The following NCAPH2 variants were observed in gnomAD, a reference collection of about 807,000 sequenced individuals.
NCAPH2 encodes the protein non-SMC condensin II complex subunit H2.
A neutral mutation model predicts 88.6 loss-of-function variants in NCAPH2; 56 were observed. The observed-to-expected ratio is 0.63, with a 90% CI of 0.51 to 0.79. The LOEUF is 0.79. NCAPH2 is among the 30% of genes least tolerant of loss of function. NCAPH2 has a pLI of 0.00. For synonymous variants in NCAPH2, 378 were observed against 313.6 expected (o/e 1.21, Z -2.17); for missense variants, 794 against 792.0 (o/e 1.00, Z -0.03).
intron 2 of NCAPH2, 82 bp from the exon 3 acceptor site, chr22:50,517,344 TG>T: frequency 6.9e-7 from 1 of 1,453,374 alleles, no homozygotes; most frequent in South Asian, 1.1e-5. Flanking sequence ...CCAGGCCTCG[TG>T]GGGGCACCGA....
chr22:50,522,501 A>G lies in NCAPH2; in HGVS notation c.1307A>G (p.Asp436Gly), dbSNP rs1210291540. 5 of 1,613,354 alleles carry G rather than the reference A, an allele frequency of 3.1e-6. No homozygotes were observed. The highest frequency in any genetic ancestry group is 1.1e-5 in the South Asian group (1 of 91,074). Residue 436 changes from aspartate (D) to glycine (G), a missense_variant and splice_region_variant, in exon 16 of 20, where the codon GAT (aspartate) becomes GGT (glycine). Asp to Gly is a moderately conservative substitution (Grantham distance 94). Coordinates refer to ENST00000420993, the MANE Select transcript of NCAPH2 (RefSeq NM_152299.4). ...EDSLEDLGAA[D>G]DFLEPEEYME... Reference sequence around the variant, plus strand: ...TGTTCACTCTCCCACCTCCCAGCAGATGACTTTCTAGAGCCTGAGGAGTAC... The same window carrying G: ...TGTTCACTCTCCCACCTCCCAGCAGGTGACTTTCTAGAGCCTGAGGAGTAC...
chr22:50,520,993 TGCGGGA>T lies in NCAPH2; in HGVS notation c.898_903del (p.Arg300_Glu301del). The T allele has an allele frequency of 1.3e-6, 2 of 1,551,098 alleles. No homozygotes were observed. Among genetic ancestry groups the T allele is most frequent in the Non-Finnish European group, 1.7e-6 (2 of 1,146,940 alleles). ...GCTGCCCTGCCCAGGAGGTACATGCTGCGGGAGCGGGAGGGGGCCCCAGAGCCTGCA... is the reference window on the plus strand; with the variant it reads ...GCTGCCCTGCCCAGGAGGTACATGCTGCGGGAGGGGGCCCCAGAGCCTGCA... On this transcript the variant is annotated inframe_deletion, in exon 10 of 20. Transcript: ENST00000420993.
rs545425657 is a variant in NCAPH2, at chr22:50,522,696, C to T, written c.1401C>T (p.Tyr467=). The stretch of plus-strand genomic sequence containing the variant: ...ACGCAGTGCCGATGTCCCTGAGCTA[C>T]GAGGAGCTGGTTCGAAGGAATGTGG... ...DLDAVPMSLS[Y]EELVRRNVEL... Residue 467 remains tyrosine, a synonymous_variant, in exon 17 of 20, where the codon TAC becomes TAT. Transcript: ENST00000420993. The T allele has an allele frequency of 4.6e-5, 74 of 1,613,494 alleles. No homozygotes were observed. The highest frequency in any genetic ancestry group is 2.9e-4 in the South Asian group (26 of 91,068).
chr22:50,510,742 T>C (rs2068759808), intron 1 of NCAPH2, among the ~76,000 whole-genome samples: 1 of 152,064 alleles, frequency 6.6e-6, no homozygotes, highest in Non-Finnish European at 1.5e-5. Context: ...CTGAGTCCTT[T>C]TCATTCTTAA....
intron 12 of NCAPH2, 41 bp from the exon 13 acceptor site, chr22:50,521,945 C>T (rs1406119789): frequency 2.5e-6 from 4 of 1,613,710 alleles, no homozygotes; most frequent in Non-Finnish European, 3.4e-6. Flanking sequence ...ATGCTGTGGG[C>T]AGCTCTTGGC....
At position 50,521,616 on chromosome 22, in the gene NCAPH2, G is replaced by A. The variant is rs1189652250; in HGVS notation, c.1000+7G>A. 19 of 1,613,668 alleles carry A rather than the reference G, an allele frequency of 1.2e-5. No homozygotes were observed. Among genetic ancestry groups the A allele is most frequent in the Non-Finnish European group, 1.6e-5 (19 of 1,179,974 alleles). On this transcript the variant is annotated splice_region_variant and intron_variant, in intron 11 of 19. Coordinates refer to ENST00000420993, the MANE Select transcript of NCAPH2 (RefSeq NM_152299.4). ...TCTAAGCCCTTCAAGAAAGGTAATT[G>A]GGTGGAAGGTACCTCCACTCAGGTA... is the stretch of plus-strand genomic sequence containing the variant.
intron 1 of NCAPH2, among the ~76,000 whole-genome samples, chr22:50,509,325 G>A (rs1187082089): frequency 1.3e-5 from 2 of 151,740 alleles, no homozygotes; most frequent in African/African-American, 4.8e-5. Flanking sequence ...CTGCTCTCTT[G>A]ACATCTAGTG....
chr22:50,508,878 A>G (rs891380022), intron 1 of NCAPH2, among the ~76,000 whole-genome samples: 9 of 152,162 alleles, frequency 5.9e-5, no homozygotes, highest in Non-Finnish European at 8.8e-5. Context: ...CCTGTTAGCG[A>G]TTAGTGTTTC....
Position 50,523,827 on chromosome 22 carries a change from G to C in NCAPH2, c.*452G>C, listed in dbSNP as rs2069197551. 1 of 1,614,088 alleles carries C rather than the reference G, an allele frequency of 6.2e-7. No homozygotes were observed. The highest frequency in any genetic ancestry group is 8.5e-7 in the Non-Finnish European group (1 of 1,180,034). On this transcript the variant is annotated 3_prime_UTR_variant, in exon 20 of 20. Transcript: ENST00000420993. ...TGTGACTAGCCTGGGCAACCTGTTT[G>C]GTGGAGCCGGTCAGACCCAACAGTC...
At chr22:50,509,480 C>G (rs2068726934) in intron 1 of NCAPH2, among the ~76,000 whole-genome samples, 1 of 152,228 alleles carries the variant, frequency 6.6e-6, no homozygotes, top group African/African-American at 2.4e-5. Flanking sequence ...AAGCCCCATG[C>G]TTAACACTCA....
chr22:50,519,836 G>A (rs2069036299), intron 9 of NCAPH2: 1 of 880,674 alleles, frequency 1.1e-6, no homozygotes, highest in South Asian at 5.2e-5. Flanking sequence ...ATTTTTCCTA[G>A]TTTTGAAGAA....
At chr22:50,517,013 A>C (rs921996189) in intron 2 of NCAPH2, among the ~76,000 whole-genome samples, 7 of 152,218 alleles carry the variant, frequency 4.6e-5, no homozygotes, top group African/African-American at 1.4e-4. Flanking sequence ...CCAGGACAGG[A>C]GGAGGGGCTG....
At chr22:50,509,313 A>G (rs966854936) in intron 1 of NCAPH2, among the ~76,000 whole-genome samples, 8 of 152,212 alleles carry the variant, frequency 5.3e-5, no homozygotes, top group African/African-American at 1.9e-4. Context: ...TTACATATCC[A>G]GCTGCTCTCT....
In NCAPH2 at chr22:50,517,440, A is replaced by G. The variant is rs1378009232; in HGVS notation, c.224A>G (p.Tyr75Cys). The change falls in exon 3 of 20, where the codon TAC (tyrosine) becomes TGC (cysteine). Residue 75 changes from tyrosine (Y) to cysteine (C), a missense_variant. Transcript: ENST00000420993. ...TCTGGTCACCAGGTGGAATACCTCTACTCACTCGTCTACCAGGCCCTTGAT... is the reference window on the plus strand; with the variant it reads ...TCTGGTCACCAGGTGGAATACCTCTGCTCACTCGTCTACCAGGCCCTTGAT... ...CVYSKKVEYL[Y>C]SLVYQALDFI... is the part of the protein sequence containing the mutation. 1 of 1,613,584 alleles carries G rather than the reference A, an allele frequency of 6.2e-7. No homozygotes were observed. Among genetic ancestry groups the G allele is most frequent in the Non-Finnish European group, 8.5e-7 (1 of 1,179,952 alleles).
chr22:50,515,925 A>T (rs543475667), intron 1 of NCAPH2, among the ~76,000 whole-genome samples: 19 of 152,072 alleles, frequency 1.2e-4, no homozygotes, highest in African/African-American at 4.3e-4. Context: ...GGATGAAGGA[A>T]TGTGCATGGC....
At position 50,523,745 on chromosome 22, in the gene NCAPH2, C is replaced by G; in HGVS notation, c.*370C>G. The G allele has an allele frequency of 6.2e-7, 1 of 1,614,166 alleles. No individual in the cohort carries two copies. The highest frequency in any genetic ancestry group is 8.5e-7 in the Non-Finnish European group (1 of 1,180,026). ...AGCAGGTAGATGGCAATGGAGTGGT[C>G]CACGATGTAGTCCTGGTCCTCATCC... is the stretch of plus-strand genomic sequence containing the variant. On this transcript the variant is annotated 3_prime_UTR_variant, in exon 20 of 20. Transcript: ENST00000420993.
At chr22:50,518,346 G>C in intron 7 of NCAPH2, 68 bp downstream of exon 7, 2 of 1,568,890 alleles carry the variant, frequency 1.3e-6, no homozygotes, top group Non-Finnish European at 1.7e-6. Flanking sequence ...CTCTTGTGGG[G>C]TGCCCTGTGC....
Position 50,524,284 on chromosome 22 carries a change from G to A in NCAPH2, c.*909G>A, listed in dbSNP as rs1380496419. On this transcript the variant is annotated 3_prime_UTR_variant, in exon 20 of 20. Coordinates refer to ENST00000420993, the MANE Select transcript of NCAPH2 (RefSeq NM_152299.4). ...CTGGCCCTGCCCACCTGTCTCTGCA[G>A]GGCCCTGCCTTGACAAAAGCCAGGA... 1.3e-5 allele frequency: 21 copies of A among 1,603,610 alleles called. No individual in the cohort carries two copies. The highest frequency in any genetic ancestry group is 1.5e-5 in the Non-Finnish European group (18 of 1,179,820).
chr22:50,524,497 G>C lies in NCAPH2; in HGVS notation c.*1122G>C. On this transcript the variant is annotated 3_prime_UTR_variant, in exon 20 of 20. Coordinates refer to ENST00000420993, the MANE Select transcript of NCAPH2 (RefSeq NM_152299.4). The stretch of plus-strand genomic sequence containing the variant: ...AGTGCCTGGGCTGCCCCTGCGACTT[G>C]AGACCAGCCACCCATCTGAAGGACC... 3.6e-6 allele frequency: 5 copies of C among 1,396,794 alleles called. No homozygotes were observed. Among genetic ancestry groups the C allele is most frequent in the Non-Finnish European group, 5.0e-6 (5 of 999,460 alleles). The allele number at this position is 1,396,794 out of a possible 1,614,324, so 86.5% of individuals were successfully genotyped here. A position where few individuals can be genotyped will look rare whatever the true frequency, so the allele number is the denominator to read the frequency against.
Sources: gnomAD v4.1 joint callset for allele counts (sites outside exome capture counted in the v4.1 genomes callset) on GRCh38, gnomAD v4.1.1 for gene constraint, MANE v1.5 for transcripts, NCBI Gene and HGNC (gene_info 2026-07-23, HGNC 2026-07-21) for gene names.